The following ZSWIM2 variants were observed in gnomAD, a reference collection of about 807,000 sequenced individuals.
ZSWIM2 encodes the protein E3 ubiquitin-protein ligase ZSWIM2.
In ZSWIM2, 38 loss-of-function variants were observed where a neutral mutation model predicts 48.4. The observed-to-expected ratio is 0.79, with a 90% CI of 0.61 to 1.03. The LOEUF (loss-of-function observed/expected upper bound fraction) is 1.03, where lower values mean the gene tolerates loss of function less well. Among genes scored for constraint, ZSWIM2 ranks in the 50% least tolerant of loss-of-function variants. The pLI is 0.00. For synonymous variants in ZSWIM2, 240 were observed against 251.3 expected (o/e 0.96, Z 0.42); for missense variants, 776 against 730.2 (o/e 1.06, Z -0.72).
chr2:186,829,635 A>G (rs757021273), intron 8 of ZSWIM2, 92 bp downstream of exon 8: 1 of 1,349,252 alleles, frequency 7.4e-7, no homozygotes, highest in Admixed American at 2.1e-5. Context: ...ACAGAGCACA[A>G]CTCAAAAGTA....
chr2:186,833,001 A>C, intron 7 of ZSWIM2, 119 bp downstream of exon 7: 1 of 437,604 alleles, frequency 2.3e-6, no homozygotes, highest in Non-Finnish European at 3.9e-6. Flanking sequence ...GCCACCTAGT[A>C]TCTAAGTGCT....
intron 3 of ZSWIM2, among the ~76,000 whole-genome samples, chr2:186,843,988 A>G (rs1691952444): frequency 6.6e-6 from 1 of 151,864 alleles, no homozygotes; most frequent in African/African-American, 2.4e-5. Flanking sequence ...GAAAAAATTT[A>G]AAACTAATTA....
rs1339860290 is a variant in ZSWIM2, at chr2:186,829,724, T to C, written c.1095+3A>G. 6.8e-6 allele frequency: 11 copies of C among 1,606,668 alleles called. No individual in the cohort carries two copies. Among genetic ancestry groups the C allele is most frequent in the South Asian group, 2.2e-5 (2 of 90,064 alleles). On this transcript the variant is annotated splice_donor_region_variant and intron_variant, in intron 8 of 8. Coordinates refer to ENST00000295131, the MANE Select transcript of ZSWIM2 (RefSeq NM_182521.3). ...AGTAAAACTAAAATGATGTGACTTT[T>C]ACCTTGTGAGTACATGGTAGCAATC...
At chr2:186,833,845 T>A (rs1691745694) in intron 6 of ZSWIM2, 101 bp downstream of exon 6, 1 of 932,192 alleles carries the variant, frequency 1.1e-6, no homozygotes, top group African/African-American at 1.7e-5. Flanking sequence ...ACCAATCAGC[T>A]CTGTTCCACA....
At chr2:186,837,118 T>C (rs142394651) in intron 5 of ZSWIM2, among the ~76,000 whole-genome samples, 188 bp downstream of exon 5, 4 of 152,012 alleles carry the variant, frequency 2.6e-5, no homozygotes, top group East Asian at 3.9e-4. Context: ...AATAAAACGA[T>C]TGGAGTTCCT....
At chr2:186,845,326 G>A (rs968727161) in intron 2 of ZSWIM2, among the ~76,000 whole-genome samples, 7 of 150,954 alleles carry the variant, frequency 4.6e-5, no homozygotes, top group Non-Finnish European at 8.9e-5. Flanking sequence ...TTACAATATT[G>A]TACAACATGA....
chr2:186,848,766 G>T, intron 1 of ZSWIM2, 200 bp downstream of exon 1: 1 of 622,338 alleles, frequency 1.6e-6, no homozygotes, highest in South Asian at 2.3e-5. Context: ...CTCCAAAAAA[G>T]AAACTTCTAA....
intron 1 of ZSWIM2, among the ~76,000 whole-genome samples, chr2:186,848,245 A>C (rs1010033227): frequency 4.6e-5 from 7 of 152,186 alleles, no homozygotes; most frequent in African/African-American, 1.7e-4. Context: ...GGCTAAAACT[A>C]TTAAATACAG....
At position 186,848,973 on chromosome 2, in the gene ZSWIM2, T is replaced by C. The variant is rs1692053600; in HGVS notation, c.158A>G (p.Asp53Gly). 1.2e-6 allele frequency: 2 copies of C among 1,613,912 alleles called. No homozygotes were observed. Among genetic ancestry groups the C allele is most frequent in the Non-Finnish European group, 1.7e-6 (2 of 1,179,942 alleles). ...LLREEEPEYMDFRVFLGNPHV... is the reference protein window; with the variant it reads ...LLREEEPEYMGFRVFLGNPHV... ...GGTAGGGGCGGTAGTTACTCGGAAA[T>C]CCATGTATTCCGGCTCCTCCTCCCT... Residue 53 changes from aspartate to glycine, a missense_variant, in exon 1 of 9, where the codon GAT (aspartate) becomes GGT (glycine). Transcript: ENST00000295131.
At chr2:186,835,212 C>T (rs1691773052) in intron 5 of ZSWIM2, among the ~76,000 whole-genome samples, 1 of 151,900 alleles carries the variant, frequency 6.6e-6, no homozygotes, top group African/African-American at 2.4e-5. Flanking sequence ...TAAAAGATCT[C>T]AATAAAAACT....
chr2:186,841,824 A>G (rs1046802836), intron 3 of ZSWIM2, among the ~76,000 whole-genome samples: 6 of 151,230 alleles, frequency 4.0e-5, no homozygotes, highest in African/African-American at 1.5e-4. Flanking sequence ...TAGAAAATAA[A>G]AAGTTTACAT....
At chr2:186,834,795 C>T (rs1029872619) in intron 5 of ZSWIM2, among the ~76,000 whole-genome samples, 3 of 152,126 alleles carry the variant, frequency 2.0e-5, no homozygotes, top group South Asian at 2.1e-4. Flanking sequence ...TTTCTTGCCT[C>T]CCTCTTCTAC....
chr2:186,828,591 A>G lies in ZSWIM2; in HGVS notation c.1295T>C (p.Val432Ala). ...PDLFIPGTGL[V>A]LKQNRLGILP... ...AATTCCAAGTCTATTTTGTTTTAAGACTAATCCAGTACCAGGAATAAAAAG... is the reference window on the plus strand; with the variant it reads ...AATTCCAAGTCTATTTTGTTTTAAGGCTAATCCAGTACCAGGAATAAAAAG... Residue 432 changes from valine (V) to alanine (A), a missense_variant, in exon 9 of 9, where the codon GTC becomes GCC. Val to Ala is a moderately conservative substitution (Grantham distance 64). Coordinates refer to ENST00000295131, the MANE Select transcript of ZSWIM2 (RefSeq NM_182521.3). 6.2e-7 allele frequency: 1 copy of G among 1,612,978 alleles called. No homozygotes were observed. The highest frequency in any genetic ancestry group is 1.1e-5 in the South Asian group (1 of 91,018).
intron 3 of ZSWIM2, among the ~76,000 whole-genome samples, chr2:186,839,547 C>T (rs1163923978): frequency 3.3e-5 from 5 of 151,664 alleles, no homozygotes; most frequent in African/African-American, 1.2e-4. Context: ...GACATGAATA[C>T]ATGAGGAGGA....
At chr2:186,839,807 A>G (rs1691869594) in intron 3 of ZSWIM2, among the ~76,000 whole-genome samples, 1 of 151,404 alleles carries the variant, frequency 6.6e-6, no homozygotes, top group South Asian at 2.1e-4. Context: ...CTATCCTGCA[A>G]TCCTTAAAGG....
rs10172225 is a variant in ZSWIM2, at chr2:186,828,377, C to A, written c.1509G>T (p.Val503=). The change falls in exon 9 of 9, where the codon GTG becomes GTT. Residue 503 remains valine (V), a synonymous_variant. Coordinates refer to ENST00000295131, the MANE Select transcript of ZSWIM2 (RefSeq NM_182521.3). ...TTTGAGATGGTATTTTCCCAAATGA[C>A]ACAGTGGGTAAATCTTGAAGATACC... is the stretch of plus-strand genomic sequence containing the variant. ...FPRYLQDLPT[V]SFGKIPSQTL... 1.6e-4 allele frequency: 257 copies of A among 1,613,400 alleles called. 1 individual carries two copies. In the African/African-American group the frequency reaches 2.8e-3, roughly 17 times the overall value.
At chr2:186,840,712 A>G (rs1293228136) in intron 3 of ZSWIM2, among the ~76,000 whole-genome samples, 1 of 147,736 alleles carries the variant, frequency 6.8e-6, no homozygotes, top group Non-Finnish European at 1.5e-5. Context: ...AGCAGAAAAA[A>G]CTCCAAAGGA....
In ZSWIM2 at chr2:186,833,985, ATCAAAACAT is replaced by A; in HGVS notation, c.780_788del (p.Glu260_Phe262del). The A allele has an allele frequency of 6.2e-7, 1 of 1,613,426 alleles. No individual in the cohort carries two copies. Among genetic ancestry groups the A allele is most frequent in the South Asian group, 1.1e-5 (1 of 91,080 alleles). On this transcript the variant is annotated inframe_deletion, in exon 6 of 9. Transcript: ENST00000295131. Reference sequence around the variant, plus strand: ...ACGTGTGGGAAAGATGGCAGCAGCTATCAAAACATTCCTGGCATAAGTGATATTCTATGC... The same window carrying A: ...ACGTGTGGGAAAGATGGCAGCAGCTATCCTGGCATAAGTGATATTCTATGC...
rs753546841 is a variant in ZSWIM2, at chr2:186,837,324, A to T, written c.725T>A (p.Ile242Asn). 1 of 1,612,522 alleles carries T rather than the reference A, an allele frequency of 6.2e-7. No homozygotes were observed. The highest frequency in any genetic ancestry group is 2.2e-5 in the East Asian group (1 of 44,846). ...CACTTACTTATAACACTTCCCCTCAATTGGAAACTGTTTGCAGTTATTACA... is the reference window on the plus strand; with the variant it reads ...CACTTACTTATAACACTTCCCCTCATTTGGAAACTGTTTGCAGTTATTACA... ...IPCNNCKQFP[I>N]EGKCYKCTEC... is the part of the protein sequence containing the mutation. The change falls in exon 5 of 9, where the codon ATT becomes AAT. Residue 242 changes from isoleucine (I) to asparagine (N), a missense_variant. Transcript: ENST00000295131.
Sources: gnomAD v4.1 joint callset for allele counts (sites outside exome capture counted in the v4.1 genomes callset) on GRCh38, gnomAD v4.1.1 for gene constraint, MANE v1.5 for transcripts, NCBI Gene and HGNC (gene_info 2026-07-23, HGNC 2026-07-21) for gene names.